CCDC187: variants seen among roughly 807,000 people sequenced by gnomAD.
CCDC187 encodes the protein coiled-coil domain-containing protein 187.
CCDC187 carries 32 observed loss-of-function variants against 38.0 expected under a neutral mutation model. The observed-to-expected ratio is 0.84, with a 90% CI of 0.64 to 1.13. The LOEUF (loss-of-function observed/expected upper bound fraction) is 1.13. CCDC187 is among the 50% of genes most tolerant of loss of function. The pLI, the probability that CCDC187 is intolerant of heterozygous loss-of-function variation, is 0.00. For synonymous variants in CCDC187, 333 were observed against 347.9 expected, an observed-to-expected ratio of 0.96 and a Z score of 0.48; for missense variants, 707 against 786.8, an observed-to-expected ratio of 0.90 and a Z score of 1.21.
At chr9:136,268,022 T>C (rs1830779573) in intron 15 of CCDC187, 27 bp downstream of exon 15, 1 of 985,226 alleles carries the variant, frequency 1.0e-6, no homozygotes, top group Non-Finnish European at 1.2e-6. Flanking sequence ...AAATTGTGCC[T>C]CTCCCCCAGG....
chr9:136,302,135 G>T (rs1049451416), intron 2 of CCDC187, among the ~76,000 whole-genome samples: 1 of 151,958 alleles, frequency 6.6e-6, no homozygotes, highest in Non-Finnish European at 1.5e-5. Context: ...GCTTGAACCC[G>T]CAATGAGATT....
In CCDC187 at chr9:136,254,807, G is replaced by A. The variant is rs1193167285; in HGVS notation, c.5021C>T (p.Ser1674Leu). 39 of 985,484 alleles carry A rather than the reference G, an allele frequency of 4.0e-5. No homozygotes were observed. The highest frequency in any genetic ancestry group is 1.4e-4 in the South Asian group (3 of 21,288). The allele number at this position is 985,484 out of a possible 1,614,324, so 61.0% of individuals were successfully genotyped here. ...WPGELSARHS[S>L]GEAGLPLSWR... Reference sequence around the variant, plus strand: ...GGACAAAGGCAGGCCAGCTTCCCCCGAGGAGTGTCGGGCAGAGAGCTCTCC... The same window carrying A: ...GGACAAAGGCAGGCCAGCTTCCCCCAAGGAGTGTCGGGCAGAGAGCTCTCC... Residue 1674 changes from serine (S) to leucine (L), a missense_variant, in exon 26 of 26, where the codon TCG becomes TTG. Coordinates refer to ENST00000638797, the MANE Select transcript of CCDC187 (RefSeq NM_001378188.1).
intron 10 of CCDC187, among the ~76,000 whole-genome samples, chr9:136,277,014 G>T (rs1267699648): frequency 6.6e-6 from 1 of 152,044 alleles, no homozygotes; most frequent in Non-Finnish European, 1.5e-5. Flanking sequence ...TGCTAAGGCT[G>T]GCTCTGCCTG....
Position 136,281,729 on chromosome 9 carries a change from C to T in CCDC187, c.2928-66G>A, listed in dbSNP as rs917532416. ...GGAGGAGACAGGAGGCAGGGAGATC[C>T]GGGGGACAGCCCCTCATTGAGCAGG... On this transcript the variant is annotated intron_variant, in intron 9 of 25. Coordinates refer to ENST00000638797, the MANE Select transcript of CCDC187 (RefSeq NM_001378188.1). The T allele has an allele frequency of 4.8e-4, 192 of 398,386 alleles. 1 individual carries two copies. The highest frequency in any genetic ancestry group is 3.5e-3 in the African/African-American group (169 of 48,738). 24.7% of individuals were successfully genotyped at this position (398,386 alleles called of 1,614,324 possible).
chr9:136,282,245 G>A (rs1160409577), intron 9 of CCDC187, among the ~76,000 whole-genome samples: 1 of 152,200 alleles, frequency 6.6e-6, no homozygotes, highest in Non-Finnish European at 1.5e-5. Context: ...GGAGCACCCG[G>A]GCTGTGACCA....
chr9:136,290,084 C>T (rs1472441588), intron 6 of CCDC187, 31 bp from the exon 7 acceptor site: 10 of 398,682 alleles, frequency 2.5e-5, no homozygotes, highest in Non-Finnish European at 4.4e-5. Context: ...ATCAGAGCCC[C>T]CCGCTCGGGA....
intron 14 of CCDC187, among the ~76,000 whole-genome samples, chr9:136,269,318 A>G (rs1830801375): frequency 6.6e-6 from 1 of 152,238 alleles, no homozygotes; most frequent in South Asian, 2.1e-4. Flanking sequence ...AAAGGACCAA[A>G]TTACTTCTAA....
At chr9:136,291,870 G>A (rs973849562) in intron 5 of CCDC187, among the ~76,000 whole-genome samples, 2 of 152,232 alleles carry the variant, frequency 1.3e-5, no homozygotes, top group African/African-American at 4.8e-5. Flanking sequence ...GCCCCTGCCG[G>A]CTCCCATCCT....
At chr9:136,265,286 C>T (rs1554761469) in intron 17 of CCDC187, among the ~76,000 whole-genome samples, 2 of 152,198 alleles carry the variant, frequency 1.3e-5, no homozygotes, top group East Asian at 1.9e-4. Context: ...CATGTGCCCC[C>T]AGCACCGACT....
intron 4 of CCDC187, among the ~76,000 whole-genome samples, chr9:136,294,212 TCA>T (rs1287577722): frequency 1.7e-5 from 2 of 114,652 alleles, no homozygotes; most frequent in Non-Finnish European, 3.6e-5. Context: ...TCACACACAC[TCA>T]CACGCTCATA....
In CCDC187 at chr9:136,258,468, G is replaced by A. The variant is rs1165858122; in HGVS notation, c.4366+464C>T. Among the ~76,000 whole-genome samples the A allele has an allele frequency of 3.3e-5, 5 of 151,924 alleles. No individual in the cohort carries two copies. The highest frequency in any genetic ancestry group is 3.2e-3 in the Middle Eastern group (1 of 316). Reference sequence around the variant, plus strand: ...ACTCTTCAGCCGGCGGCTACCAGACGCACCACCAGGGTTCCCTGACACTGT... The same window carrying A: ...ACTCTTCAGCCGGCGGCTACCAGACACACCACCAGGGTTCCCTGACACTGT... On this transcript the variant is annotated intron_variant, in intron 22 of 25. Transcript: ENST00000638797. The surrounding 1 kb of genome is among the most constrained non-coding windows in gnomAD (Gnocchi z 4.3).
At position 136,293,225 on chromosome 9, in the gene CCDC187, ACACT is replaced by A. The variant is rs1396848155; in HGVS notation, c.833-934_833-931del. On this transcript the variant is annotated intron_variant, in intron 4 of 25. Coordinates refer to ENST00000638797, the MANE Select transcript of CCDC187 (RefSeq NM_001378188.1). Reference sequence around the variant, plus strand: ...CTCACAAACACATGCTCACACACTCACACTCACACGCTCACACTCACATGCTTAC... The same window carrying A: ...CTCACAAACACATGCTCACACACTCACACACGCTCACACTCACATGCTTAC... 3.8e-3 allele frequency among the ~76,000 whole-genome samples: 566 copies of A among 147,744 alleles called. 9 individuals carry two copies. The highest frequency in any genetic ancestry group is 0.014 in the African/African-American group (541 of 39,300).
Position 136,297,815 on chromosome 9 carries a change from C to T in CCDC187, c.731G>A (p.Arg244Lys). Residue 244 changes from arginine (R) to lysine (K), a missense_variant, in exon 4 of 26, where the codon AGG becomes AAG. Physicochemically the swap from Arg to Lys is conservative, Grantham distance 26. Transcript: ENST00000638797. ...RVSQHQVPVL[R>K]EKPKRVKSSS... ...GCTTTTGACCCTTTTGGGTTTTTCC[C>T]TCAGAACTTCAGTGAGGAAGAGAAA... 1 of 393,938 alleles carries T rather than the reference C, an allele frequency of 2.5e-6. No homozygotes were observed. The allele number at this position is 393,938 out of a possible 1,614,324, so 24.4% of individuals were successfully genotyped here. A position where few individuals can be genotyped will look rare whatever the true frequency, so the allele number is the denominator to read the frequency against.
chr9:136,299,057 C>G (rs897400902), intron 3 of CCDC187, among the ~76,000 whole-genome samples: 2 of 152,278 alleles, frequency 1.3e-5, no homozygotes, highest in African/African-American at 2.4e-5. Context: ...CTGAACTTGA[C>G]CTGGGGCAGG....
chr9:136,256,226 C>A lies in CCDC187; in HGVS notation c.4601G>T (p.Arg1534Leu). The A allele has an allele frequency of 1.0e-6, 1 of 985,616 alleles. No homozygotes were observed. The highest frequency in any genetic ancestry group is 1.2e-6 in the Non-Finnish European group (1 of 830,062). 61.1% of individuals were successfully genotyped at this position (985,616 alleles called of 1,614,324 possible). ...VEESQETESW[R>L]SGEQRTEACQ... ...AGCCCCACACCTCTGCTCCCCCGAT[C>A]GCCAGCTCTCGGTTTCCTGGGACTC... The change falls in exon 24 of 26, where the codon CGA becomes CTA. Residue 1534 changes from arginine (R) to leucine (L), a missense_variant. Transcript: ENST00000638797.
intron 7 of CCDC187, 57 bp from the exon 8 acceptor site, chr9:136,286,752 C>T (rs889015055): frequency 2.3e-5 from 9 of 398,312 alleles, no homozygotes; most frequent in Non-Finnish European, 3.5e-5. Flanking sequence ...CAGCAGGGCA[C>T]GGAAAGCACG....
In CCDC187 at chr9:136,258,781, T is replaced by A. The variant is rs1361978839; in HGVS notation, c.4366+151A>T. 2.0e-6 allele frequency: 2 copies of A among 985,098 alleles called. No individual in the cohort carries two copies. Among genetic ancestry groups the A allele is most frequent in the Admixed American group, 1.2e-4 (2 of 16,248 alleles). 61.0% of individuals were successfully genotyped at this position (985,098 alleles called of 1,614,324 possible). A position where few individuals can be genotyped will look rare whatever the true frequency, so the allele number is the denominator to read the frequency against. ...GGCCACTCTTCTTGCAGTGAAGGGG[T>A]CTGAGGCCAGGGTGGGGGGCCACCA... On this transcript the variant is annotated intron_variant, in intron 22 of 25. Coordinates refer to ENST00000638797, the MANE Select transcript of CCDC187 (RefSeq NM_001378188.1). The surrounding 1 kb of genome is among the most constrained non-coding windows in gnomAD (Gnocchi z 4.3).
intron 9 of CCDC187, among the ~76,000 whole-genome samples, chr9:136,284,741 T>C (rs1306902964): frequency 1.3e-5 from 2 of 151,170 alleles, no homozygotes; most frequent in Non-Finnish European, 3.0e-5. Flanking sequence ...AGGGGGTTTT[T>C]TCAGGAGAGG....
intron 10 of CCDC187, 169 bp downstream of exon 10, chr9:136,281,382 G>A (rs1369330125): frequency 3.8e-5 from 15 of 398,382 alleles, no homozygotes; most frequent in South Asian, 2.6e-4. Context: ...AGAGGGTCCC[G>A]AAAGCCTCTA....
Sources: gnomAD v4.1 joint callset for allele counts (sites outside exome capture counted in the v4.1 genomes callset) on GRCh38, gnomAD v4.1.1 for gene constraint, Gnocchi (gnomAD v3.1) non-coding constraint, MANE v1.5 for transcripts, NCBI Gene and HGNC (gene_info 2026-07-23, HGNC 2026-07-21) for gene names.